KCNQ2: variants seen among roughly 807,000 people sequenced by gnomAD.
KCNQ2 encodes the protein potassium voltage-gated channel subfamily Q member 2.
A neutral mutation model predicts 84.8 loss-of-function variants in KCNQ2; 14 were observed. The observed-to-expected ratio is 0.17, with a 90% confidence interval of 0.11 to 0.26. The LOEUF is 0.26. Among genes scored for constraint, KCNQ2 ranks in the 10% least tolerant of loss-of-function variants. The pLI is 1.00. For synonymous variants in KCNQ2, 599 were observed against 554.1 expected, an observed-to-expected ratio of 1.08 and a Z score of -1.14; for missense variants, 788 against 1,254.0, an observed-to-expected ratio of 0.63 and a Z score of 5.61.
rs1166708258 is a variant in KCNQ2 at position 63,439,628 on chromosome 20, G to C, written c.897C>G (p.Leu299=). The part of the protein sequence containing the change: ...NGRLLAATFT[L]IGVSFFALPA... ...GCAGCGCGAAGAAGGAGACACCGAT[G>C]AGGGTGAAGGTTGCCGCAAGGAGCC... The change falls in exon 6 of 17, where the codon CTC becomes CTG. Residue 299 remains leucine (L), a synonymous_variant. Coordinates refer to ENST00000359125, the MANE Select transcript of KCNQ2 (RefSeq NM_172107.4). 1.2e-6 allele frequency: 2 copies of C among 1,613,578 alleles called. No individual in the cohort carries two copies. The highest frequency in any genetic ancestry group is 2.2e-5 in the South Asian group (2 of 91,086).
chr20:63,441,297 C>T (rs928567824), intron 5 of KCNQ2, among the ~76,000 whole-genome samples: 2 of 150,492 alleles, frequency 1.3e-5, no homozygotes, highest in East Asian at 2.0e-4. Flanking sequence ...ACACAGTCAG[C>T]GCGTTTGAAT....
intron 1 of KCNQ2, among the ~76,000 whole-genome samples, chr20:63,458,845 C>A (rs752124703): frequency 6.6e-6 from 1 of 152,264 alleles, no homozygotes; most frequent in African/African-American, 2.4e-5. Context: ...ACCTTCCGCA[C>A]AGCGGGAAGA....
chr20:63,405,687 A>T lies in KCNQ2; in HGVS notation c.*957T>A, dbSNP rs2079913377. ...CTAAGAACTGTGAGGCCTGCTCACC[A>T]GGTGGGTCTCGCAGTGCCGGCACCC... On this transcript the variant is annotated 3_prime_UTR_variant, in exon 17 of 17. Coordinates refer to ENST00000359125, the MANE Select transcript of KCNQ2 (RefSeq NM_172107.4). The T allele has an allele frequency of 6.6e-6, 1 of 152,328 alleles. No individual in the cohort carries two copies. Among genetic ancestry groups the T allele is most frequent in the Non-Finnish European group, 1.5e-5 (1 of 68,126 alleles). The allele number at this position is 152,328 out of a possible 1,614,324, so 9.4% of individuals were successfully genotyped here. A position where few individuals can be genotyped will look rare whatever the true frequency, so the allele number is the denominator to read the frequency against.
At chr20:63,454,564 C>A (rs570969756) in intron 1 of KCNQ2, among the ~76,000 whole-genome samples, 1 of 152,266 alleles carries the variant, frequency 6.6e-6, no homozygotes, top group South Asian at 2.1e-4. Flanking sequence ...CCCAAACGCA[C>A]TGGCCAGCCA....
chr20:63,409,619 C>G (rs1304235053), intron 15 of KCNQ2, among the ~76,000 whole-genome samples: 1 of 152,242 alleles, frequency 6.6e-6, no homozygotes, highest in African/African-American at 2.4e-5. Context: ...AGGACCCACC[C>G]AGGAGAGGCC....
At chr20:63,466,376 C>T (rs933264715) in intron 1 of KCNQ2, 50 of 152,314 alleles carry the variant, frequency 3.3e-4, no homozygotes, top group African/African-American at 1.1e-3. Context: ...GCACTTCAAC[C>T]CACGACCTGG....
Position 63,404,597 on chromosome 20 carries a change from T to C in KCNQ2, c.*2047A>G, listed in dbSNP as rs1436782670. 6.6e-6 allele frequency: 1 copy of C among 152,248 alleles called. No individual in the cohort carries two copies. The highest frequency in any genetic ancestry group is 1.5e-5 in the Non-Finnish European group (1 of 68,094). 9.4% of individuals were successfully genotyped at this position (152,248 alleles called of 1,614,324 possible). On this transcript the variant is annotated 3_prime_UTR_variant, in exon 17 of 17. Coordinates refer to ENST00000359125, the MANE Select transcript of KCNQ2 (RefSeq NM_172107.4). ...GTTGGGTGGGACGCACTCATACCCC[T>C]GCCTGTGGGCCCCGCTATGGATTCC...
intron 15 of KCNQ2, among the ~76,000 whole-genome samples, chr20:63,411,314 C>A (rs948030300): frequency 6.6e-6 from 1 of 152,178 alleles, no homozygotes; most frequent in Non-Finnish European, 1.5e-5. Flanking sequence ...GGGCCGTGCA[C>A]GTGGCCAGGC....
chr20:63,415,259 AG>A, intron 12 of KCNQ2, 133 bp from the exon 13 acceptor site: 1 of 742,294 alleles, frequency 1.3e-6, no homozygotes, highest in Non-Finnish European at 2.2e-6. Context: ...AAGAACAGCC[AG>A]CCACACGGGT....
At chr20:63,432,138 ACC>A (rs2080822072) in intron 8 of KCNQ2, among the ~76,000 whole-genome samples, 2 of 147,144 alleles carry the variant, frequency 1.4e-5, no homozygotes, top group East Asian at 2.1e-4. Context: ...GGAAGGATCC[ACC>A]CACAGGGAAG....
rs375060017 is a variant in KCNQ2, at chr20:63,419,149, C to A, written c.1301+470G>T. Among the ~76,000 whole-genome samples, 139 of 152,328 alleles carry A rather than the reference C, an allele frequency of 9.1e-4. 2 individuals carry two copies. The South Asian group carries it at 0.022, about 24-fold the overall frequency. On this transcript the variant is annotated intron_variant, in intron 12 of 16. Transcript: ENST00000359125. ...GGCCTGTTGTTGGGAGAGGGAGCCG[C>A]GGGCCTCTGGCTTTCTGGGGCTTCT...
intron 7 of KCNQ2, among the ~76,000 whole-genome samples, chr20:63,436,548 C>T (rs979658019): frequency 4.0e-5 from 6 of 150,870 alleles, no homozygotes; most frequent in Non-Finnish European, 5.9e-5. Context: ...AAAAAAAAAT[C>T]GCCACAGCCC....
intron 10 of KCNQ2, among the ~76,000 whole-genome samples, chr20:63,427,596 T>G (rs2080670999): frequency 6.6e-6 from 1 of 152,246 alleles, no homozygotes; most frequent in African/African-American, 2.4e-5. Context: ...TCTTCCAGCT[T>G]CTGTGGCTCC....
rs927338349 is a variant in KCNQ2, at chr20:63,400,761, C to A, written c.*5883G>T. Reference sequence around the variant, plus strand: ...TCCCGGGCAGAGGGATGGCGTCCAGCGGGACCACCAGCTCTGGGCGCCTCA... The same window carrying A: ...TCCCGGGCAGAGGGATGGCGTCCAGAGGGACCACCAGCTCTGGGCGCCTCA... On this transcript the variant is annotated 3_prime_UTR_variant, in exon 17 of 17. Transcript: ENST00000359125. This position sits in a 1 kb window ranked among gnomAD's most constrained non-coding sequence, Gnocchi z 8.7. 5.0e-6 allele frequency: 2 copies of A among 398,260 alleles called. No individual in the cohort carries two copies. Among genetic ancestry groups the A allele is most frequent in the Middle Eastern group, 6.3e-4 (1 of 1,590 alleles). The allele number at this position is 398,260 out of a possible 1,614,324, so 24.7% of individuals were successfully genotyped here.
chr20:63,435,600 C>T (rs75436922), intron 7 of KCNQ2, among the ~76,000 whole-genome samples: 3,696 of 152,308 alleles, frequency 0.024, 62 homozygotes, highest in Non-Finnish European at 0.037. Context: ...AGAGAGTACA[C>T]GGCGGCAGGG....
chr20:63,445,501 A>AC (rs948378268), intron 2 of KCNQ2, 137 bp from the exon 3 acceptor site: 10 of 398,898 alleles, frequency 2.5e-5, no homozygotes, highest in South Asian at 1.2e-4. Flanking sequence ...CTGCAAGCTG[A>AC]CCCCCCCACC....
chr20:63,464,460 C>G lies in KCNQ2; in HGVS notation c.296+7708G>C, dbSNP rs375323470. Among the ~76,000 whole-genome samples, 409 of 152,206 alleles carry G rather than the reference C, an allele frequency of 2.7e-3. 1 individual carries two copies. The highest frequency in any genetic ancestry group is 8.9e-3 in the African/African-American group (368 of 41,522). On this transcript the variant is annotated intron_variant, in intron 1 of 16. Coordinates refer to ENST00000359125, the MANE Select transcript of KCNQ2 (RefSeq NM_172107.4). ...GCTCTGTGGAGAGCTCCCGTCGCCC[C>G]GTCCTCCACCACACATCATCCTGGG...
At chr20:63,412,230 C>T (rs753879833) in intron 15 of KCNQ2, 11 of 240,406 alleles carry the variant, frequency 4.6e-5, no homozygotes, top group African/African-American at 9.3e-5. Context: ...AGGAGCCGGC[C>T]GAGGACTCCT....
At position 63,466,879 on chromosome 20, in the gene KCNQ2, G is replaced by A. The variant is rs533585721; in HGVS notation, c.296+5289C>T. Among the ~76,000 whole-genome samples, 7 of 152,350 alleles carry A rather than the reference G, an allele frequency of 4.6e-5. No homozygotes were observed. In the East Asian group the frequency reaches 5.8e-4, roughly 13 times the overall value. On this transcript the variant is annotated intron_variant, in intron 1 of 16. Transcript: ENST00000359125. Reference sequence around the variant, plus strand: ...GGGAGCGGGGCTGCGTCCACAGACCGCGCACACACGAGCAGTTTCCCGTCT... The same window carrying A: ...GGGAGCGGGGCTGCGTCCACAGACCACGCACACACGAGCAGTTTCCCGTCT...
Sources: gnomAD v4.1 joint callset for allele counts (sites outside exome capture counted in the v4.1 genomes callset) on GRCh38, gnomAD v4.1.1 for gene constraint, Gnocchi (gnomAD v3.1) non-coding constraint, MANE v1.5 for transcripts, NCBI Gene and HGNC (gene_info 2026-07-23, HGNC 2026-07-21) for gene names.